OTOGL: variants seen among roughly 807,000 people sequenced by gnomAD.
OTOGL encodes the protein otogelin-like protein.
A neutral mutation model predicts 318.5 loss-of-function variants in OTOGL; 285 were observed. The observed-to-expected ratio is 0.89, with a 90% CI of 0.81 to 0.99. The LOEUF (loss-of-function observed/expected upper bound fraction) is 0.99, where lower values mean the gene tolerates loss of function less well. Ranked by LOEUF, OTOGL falls within the 50% of genes least tolerant of loss-of-function variation. The pLI is 0.00. For missense variants in OTOGL, 2,899 were observed against 2,845.6 expected (o/e 1.02, Z -0.43); for synonymous variants, 987 against 936.5 (o/e 1.05, Z -0.99).
chr12:80,278,248 A>G lies in OTOGL; in HGVS notation c.2762A>G (p.Glu921Gly). ...AAAGATTGGGAGTATCTCTCAGGAGAAGTGATTGCTACACCGTGTTACACC... is the reference window on the plus strand; with the variant it reads ...AAAGATTGGGAGTATCTCTCAGGAGGAGTGATTGCTACACCGTGTTACACC... ...IWKDWEYLSG[E>G]VIATPCYTCV... Residue 921 changes from glutamate (E) to glycine (G), a missense_variant, in exon 25 of 59, where the codon GAA becomes GGA. Physicochemically the swap from Glu to Gly is moderately conservative, Grantham distance 98. Transcript: ENST00000547103. 1 of 1,544,932 alleles carries G rather than the reference A, an allele frequency of 6.5e-7. No individual in the cohort carries two copies. Among genetic ancestry groups the G allele is most frequent in the East Asian group, 2.4e-5 (1 of 40,832 alleles).
In OTOGL at chr12:80,251,715, T is replaced by G. The variant is rs1881565478; in HGVS notation, c.1075T>G (p.Cys359Gly). 6.3e-7 allele frequency: 1 copy of G among 1,590,980 alleles called. No homozygotes were observed. ...LCKTDDDETYCRAATEYARAC... is the reference protein window; with the variant it reads ...LCKTDDDETYGRAATEYARAC... ...TAGAACTGATGATGATGAAACCTAT[T>G]GCCGAGCAGCCACTGAGTATGCTAG... The change falls in exon 12 of 59, where the codon TGC becomes GGC. Residue 359 changes from cysteine to glycine, a missense_variant. Cys to Gly is a radical substitution (Grantham distance 159). This residue lies in a region of OTOGL where 2,607 missense variants were observed against 2,524.9 expected (regional missense o/e 1.03). Transcript: ENST00000547103.
chr12:80,369,561 G>A (rs779519259), intron 55 of OTOGL, among the ~76,000 whole-genome samples: 3 of 152,062 alleles, frequency 2.0e-5, no homozygotes, highest in African/African-American at 7.2e-5. Context: ...TAAGAATAGA[G>A]TGGCAATAAA....
chr12:80,229,511 T>C, intron 8 of OTOGL, 133 bp downstream of exon 8: 1 of 1,250,256 alleles, frequency 8.0e-7, no homozygotes, highest in Non-Finnish European at 1.1e-6. Flanking sequence ...AGCTATAACA[T>C]ACAGACATCA....
chr12:80,140,904 T>G (rs1318708870), intron 1 of OTOGL, among the ~76,000 whole-genome samples: 2 of 152,154 alleles, frequency 1.3e-5, no homozygotes, highest in East Asian at 3.8e-4. Context: ...TTTCCCACAT[T>G]TATGAAATAA....
At chr12:80,355,229 CTTTT>C (rs869285817) in intron 46 of OTOGL, among the ~76,000 whole-genome samples, 26 of 50,052 alleles carry the variant, frequency 5.2e-4, no homozygotes, top group Non-Finnish European at 9.5e-4. Context: ...TCTTTCTTTT[CTTTT>C]TTTTTTTTTT....
At chr12:80,108,834 T>TTGTATATATATGTGTATATATATG (rs1422951386) in intron 1 of OTOGL, among the ~76,000 whole-genome samples, 1 of 105,776 alleles carries the variant, frequency 9.5e-6, no homozygotes, top group Admixed American at 9.5e-5. Flanking sequence ...TGTATATATA[T>TTGTATATATATGTGTATATATATG]TGTATATATA....
intron 33 of OTOGL, among the ~76,000 whole-genome samples, chr12:80,319,162 C>G (rs998861647): frequency 2.6e-5 from 4 of 152,104 alleles, no homozygotes; most frequent in African/African-American, 9.7e-5. Context: ...TTCTGTTATC[C>G]TTACCTGCCT....
At position 80,336,422 on chromosome 12, in the gene OTOGL, C is replaced by G. The variant is rs1322596571; in HGVS notation, c.4610C>G (p.Ser1537Cys). 5 of 1,598,646 alleles carry G rather than the reference C, an allele frequency of 3.1e-6. No individual in the cohort carries two copies. The African/African-American group carries it at 6.7e-5, about 21-fold the overall frequency. Residue 1537 changes from serine (S) to cysteine (C), a missense_variant, in exon 40 of 59, where the codon TCC becomes TGC. By Grantham distance (112) the Ser-to-Cys change is moderately radical. Transcript: ENST00000547103. ...TCCACCATTTTTATAGGTCGGTGTTCCATGTTGTCAGAACTGAGCATTATT... is the reference window on the plus strand; with the variant it reads ...TCCACCATTTTTATAGGTCGGTGTTGCATGTTGTCAGAACTGAGCATTATT... ...CPEWECPCRC[S>C]MLSELSIITF...
chr12:80,157,892 T>C (rs1015471560), intron 1 of OTOGL, among the ~76,000 whole-genome samples: 1 of 152,182 alleles, frequency 6.6e-6, no homozygotes, highest in African/African-American at 2.4e-5. Context: ...ACTAATTCCT[T>C]GAATCAATTT....
At chr12:80,176,178 G>T (rs1333748976) in intron 1 of OTOGL, among the ~76,000 whole-genome samples, 1 of 152,158 alleles carries the variant, frequency 6.6e-6, no homozygotes, top group Non-Finnish European at 1.5e-5. Context: ...TACTGCATTT[G>T]CTGATGTCCA....
chr12:80,282,174 G>T (rs919942646), intron 26 of OTOGL, among the ~76,000 whole-genome samples: 3 of 151,758 alleles, frequency 2.0e-5, no homozygotes, highest in African/African-American at 7.3e-5. Flanking sequence ...AGTCACACAA[G>T]AATAAACAAA....
intron 4 of OTOGL, among the ~76,000 whole-genome samples, chr12:80,215,257 C>A (rs1472136879): frequency 6.6e-6 from 1 of 151,076 alleles, no homozygotes; most frequent in African/African-American, 2.4e-5. Context: ...ACCTCTGCCT[C>A]CTGGGTTCAA....
chr12:80,105,849 G>T (rs938847163), intron 1 of OTOGL, among the ~76,000 whole-genome samples: 5 of 152,118 alleles, frequency 3.3e-5, no homozygotes, highest in Non-Finnish European at 7.4e-5. Context: ...CTGGAACTTT[G>T]CTGTCAATAC....
intron 24 of OTOGL, among the ~76,000 whole-genome samples, chr12:80,272,400 A>G (rs1883485253): frequency 6.6e-6 from 1 of 150,392 alleles, no homozygotes; most frequent in African/African-American, 2.5e-5. Context: ...ATTTAAAAAT[A>G]TGAGCCACTA....
At position 80,099,761 on chromosome 12, in the gene OTOGL, T is replaced by A. The variant is rs570670821; in HGVS notation, c.-20+156T>A. ...ATACAAGGTTGGCATAGAAAACATT[T>A]AAAAATTATAATTAAAATTAAACAG... is the stretch of plus-strand genomic sequence containing the variant. On this transcript the variant is annotated intron_variant, in intron 1 of 58. Transcript: ENST00000547103. 5.3e-5 allele frequency among the ~76,000 whole-genome samples: 8 copies of A among 152,312 alleles called. No individual in the cohort carries two copies. In the South Asian group the frequency reaches 1.7e-3, roughly 32 times the overall value.
At chr12:80,353,185 G>A (rs1038242665) in intron 45 of OTOGL, 140 bp from the exon 46 acceptor site, 1 of 555,976 alleles carries the variant, frequency 1.8e-6, no homozygotes, top group African/African-American at 1.9e-5. Context: ...TATGGTTACA[G>A]AGTAAGTGAA....
At chr12:80,259,506 A>G (rs572608733) in intron 18 of OTOGL, among the ~76,000 whole-genome samples, 3 of 151,802 alleles carry the variant, frequency 2.0e-5, no homozygotes, top group Admixed American at 6.6e-5. Context: ...TGCATTAGGT[A>G]TTTGTCTTAA....
intron 1 of OTOGL, among the ~76,000 whole-genome samples, chr12:80,113,926 G>A (rs542580770): frequency 1.2e-3 from 189 of 152,110 alleles, no homozygotes; most frequent in African/African-American, 4.3e-3. Context: ...TATGAGACTA[G>A]GATTGCAACA....
intron 22 of OTOGL, among the ~76,000 whole-genome samples, chr12:80,269,231 T>C (rs527953023): frequency 6.6e-6 from 1 of 152,296 alleles, no homozygotes; most frequent in African/African-American, 2.4e-5. Context: ...ATAGAACATA[T>C]GATCTGGTCC....
Sources: allele counts gnomAD v4.1 joint callset (sites outside exome capture counted in the v4.1 genomes callset), GRCh38; gene constraint gnomAD v4.1.1; regional missense constraint gnomAD v4.1.1; transcripts MANE v1.5; gene names NCBI Gene and HGNC (gene_info 2026-07-23, HGNC 2026-07-21).